RALGPS1: variants seen among roughly 807,000 people sequenced by gnomAD.
RALGPS1 encodes the protein ras-specific guanine nucleotide-releasing factor RalGPS1.
RALGPS1 carries 19 observed loss-of-function variants against 78.8 expected under a neutral mutation model. The observed-to-expected ratio is 0.24, with a 90% CI of 0.17 to 0.35. The LOEUF (loss-of-function observed/expected upper bound fraction) is 0.35. Among genes scored for constraint, RALGPS1 ranks in the 10% least tolerant of loss-of-function variants. The pLI is 1.00. For missense variants in RALGPS1, 454 were observed against 688.3 expected (o/e 0.66, Z 3.81); for synonymous variants, 228 against 256.3 (o/e 0.89, Z 1.06).
At chr9:127,161,193 C>T (rs2058997026) in intron 8 of RALGPS1, among the ~76,000 whole-genome samples, 1 of 152,252 alleles carries the variant, frequency 6.6e-6, no homozygotes. Flanking sequence ...TGAGGGGTGG[C>T]CACCATGCAG....
chr9:127,121,620 A>C (rs1455525110), intron 8 of RALGPS1, among the ~76,000 whole-genome samples: 3 of 152,232 alleles, frequency 2.0e-5, no homozygotes, highest in Non-Finnish European at 4.4e-5. Flanking sequence ...GCGACTTGGT[A>C]TGTGGAGCCC....
intron 11 of RALGPS1, among the ~76,000 whole-genome samples, chr9:127,188,832 T>TTAAAAAAAAAAAAAAAAAAAAAACAA: frequency 1.1e-5 from 1 of 87,476 alleles, no homozygotes; most frequent in Non-Finnish European, 2.3e-5. Context: ...CCATCTCTAC[T>TTAAAAAAAAAAAAAAAAAAAAAACAA]AAAAAAAAAA....
chr9:127,034,646 C>G (rs1356220212), intron 5 of RALGPS1, 132 bp downstream of exon 5: 5 of 744,694 alleles, frequency 6.7e-6, no homozygotes, highest in East Asian at 2.6e-5. Context: ...ATATGAGTCC[C>G]CCACCTTTAT....
rs567110896 is a variant in RALGPS1, at chr9:127,091,054, G to A, written c.610+21698G>A. 6.6e-6 allele frequency among the ~76,000 whole-genome samples: 1 copy of A among 152,190 alleles called. No individual in the cohort carries two copies. Among genetic ancestry groups the A allele is most frequent in the Non-Finnish European group, 1.5e-5 (1 of 68,040 alleles). ...CTCTTAATAGCTTCCTCTCAGCACT[G>A]CACTAGCATTACATGCAGTAACAGT... On this transcript the variant is annotated intron_variant, in intron 8 of 18. Coordinates refer to ENST00000259351, the MANE Select transcript of RALGPS1 (RefSeq NM_014636.3). This position sits in a 1 kb window ranked among gnomAD's most constrained non-coding sequence, Gnocchi z 4.3.
At chr9:127,109,922 A>G (rs1049924520) in intron 8 of RALGPS1, among the ~76,000 whole-genome samples, 2 of 152,170 alleles carry the variant, frequency 1.3e-5, no homozygotes, top group African/African-American at 4.8e-5. Context: ...GAGGGAGGGG[A>G]GGACACGTGC....
intron 1 of RALGPS1, among the ~76,000 whole-genome samples, chr9:126,948,405 T>G (rs746900241): frequency 1.1e-4 from 16 of 152,030 alleles, no homozygotes; most frequent in Non-Finnish European, 2.2e-4. Flanking sequence ...TAGTCCCAGC[T>G]ACTTGGGAGG....
chr9:126,992,788 G>T lies in RALGPS1; in HGVS notation c.216+15043G>T, dbSNP rs181576505. Among the ~76,000 whole-genome samples the T allele has an allele frequency of 7.2e-5, 11 of 152,288 alleles. No individual in the cohort carries two copies. The East Asian group carries it at 1.7e-3, about 24-fold the overall frequency. ...ACATCTTTTGCCAAATATATGTAGG[G>T]TTTTCTACACAGATAATGATGCCTC... On this transcript the variant is annotated intron_variant, in intron 4 of 18. Coordinates refer to ENST00000259351, the MANE Select transcript of RALGPS1 (RefSeq NM_014636.3).
intron 1 of RALGPS1, among the ~76,000 whole-genome samples, chr9:126,949,808 T>C (rs2037637445): frequency 6.6e-6 from 1 of 151,660 alleles, no homozygotes; most frequent in Admixed American, 6.6e-5. Context: ...GCAGAAGCTC[T>C]TTAGTTTAAT....
At chr9:127,207,853 CGT>C (rs1209987126) in intron 14 of RALGPS1, among the ~76,000 whole-genome samples, 2 of 152,228 alleles carry the variant, frequency 1.3e-5, no homozygotes, top group African/African-American at 4.8e-5. Flanking sequence ...GGTCGCTCCC[CGT>C]GGCTCCAGAG....
intron 1 of RALGPS1, among the ~76,000 whole-genome samples, chr9:126,926,551 A>C (rs1028105111): frequency 6.6e-6 from 1 of 152,020 alleles, no homozygotes; most frequent in Non-Finnish European, 1.5e-5. Flanking sequence ...AGGGAGGAGG[A>C]TCTGGTTGGA....
At chr9:127,141,984 T>A (rs941513244) in intron 8 of RALGPS1, among the ~76,000 whole-genome samples, 2 of 152,240 alleles carry the variant, frequency 1.3e-5, no homozygotes, top group African/African-American at 4.8e-5. Flanking sequence ...TCCACTATAG[T>A]ACTTGGTGTT....
intron 7 of RALGPS1, among the ~76,000 whole-genome samples, chr9:127,058,725 A>G (rs1463011955): frequency 6.6e-6 from 1 of 152,206 alleles, no homozygotes; most frequent in East Asian, 1.9e-4. Context: ...TGGATGAGTC[A>G]CTCATTATAG....
intron 4 of RALGPS1, among the ~76,000 whole-genome samples, chr9:127,015,419 A>T (rs1271140273): frequency 6.6e-6 from 1 of 152,208 alleles, no homozygotes; most frequent in East Asian, 1.9e-4. Context: ...GAGATACAGT[A>T]AGCAAACTGT....
chr9:127,108,023 T>A (rs2054391548), intron 8 of RALGPS1: 2 of 1,607,788 alleles, frequency 1.2e-6, no homozygotes, highest in Non-Finnish European at 1.7e-6. Context: ...TTGGTAGAGA[T>A]CTGGTTGATG....
At chr9:126,987,483 C>T (rs980470800) in intron 4 of RALGPS1, among the ~76,000 whole-genome samples, 1 of 152,190 alleles carries the variant, frequency 6.6e-6, no homozygotes, top group Non-Finnish European at 1.5e-5. Context: ...GCTCTTCCCT[C>T]AGTTCTGTGC....
chr9:126,993,931 C>T (rs2042500371), intron 4 of RALGPS1, among the ~76,000 whole-genome samples: 1 of 152,288 alleles, frequency 6.6e-6, no homozygotes, highest in Non-Finnish European at 1.5e-5. Context: ...CTGGAGTGGA[C>T]CTCTAGCAAA....
rs183996093 is a variant in RALGPS1 at position 127,195,108 on chromosome 9, G to C, written c.928G>C (p.Gly310Arg). 3 of 1,613,252 alleles carry C rather than the reference G, an allele frequency of 1.9e-6. No individual in the cohort carries two copies. The South Asian group carries it at 3.3e-5, about 18-fold the overall frequency. ...EDLAGPSAGS[G>R]SARFSRRPTC... ...GTTTGCAGGTCCCTCTGCTGGCTCC[G>C]GTTCTGCGAGGTTCAGCCGGAGGCC... The change falls in exon 12 of 19, where the codon GGT becomes CGT. Residue 310 changes from glycine (G) to arginine (R), a missense_variant. Coordinates refer to ENST00000259351, the MANE Select transcript of RALGPS1 (RefSeq NM_014636.3).
At chr9:127,210,633 C>T in intron 14 of RALGPS1, 2 of 1,303,682 alleles carry the variant, frequency 1.5e-6, no homozygotes, top group South Asian at 1.3e-5. Flanking sequence ...GTGCTCTTGC[C>T]TCCTTCAGGA....
chr9:126,965,791 A>G (rs1035590883), intron 2 of RALGPS1, 53 bp from the exon 3 acceptor site: 11 of 1,412,036 alleles, frequency 7.8e-6, no homozygotes, highest in South Asian at 2.3e-5. Context: ...TTGGGAGGCA[A>G]TGATTCCACG....
Sources: gnomAD v4.1 joint callset for allele counts (sites outside exome capture counted in the v4.1 genomes callset) on GRCh38, gnomAD v4.1.1 for gene constraint, Gnocchi (gnomAD v3.1) non-coding constraint, MANE v1.5 for transcripts, NCBI Gene and HGNC (gene_info 2026-07-23, HGNC 2026-07-21) for gene names.